The following TRPV1 variants were observed in gnomAD, a reference collection of about 807,000 sequenced individuals.
The protein encoded by TRPV1 is OTRPC1.
Under a neutral mutation model 82.3 loss-of-function variants are expected in TRPV1, and 82 were observed. The ratio of observed to expected loss-of-function variants is 1.00; its 90% CI spans 0.83 to 1.20. TRPV1 has a LOEUF of 1.20. TRPV1 is among the 50% of genes most tolerant of loss of function. The probability of loss-of-function intolerance (pLI) is 0.00; values close to 1 mark genes in which losing one functional copy is unlikely to be tolerated. For missense variants in TRPV1, 1,067 were observed against 1,096.8 expected (o/e 0.97, Z 0.38); for synonymous variants, 515 against 467.7 (o/e 1.10, Z -1.30).
intron 13 of TRPV1, among the ~76,000 whole-genome samples, chr17:3,575,929 G>T (rs890429916): frequency 6.6e-6 from 1 of 152,124 alleles, no homozygotes; most frequent in Admixed American, 6.6e-5. Context: ...AAGTGCCCTG[G>T]ATTAAAGAAG....
rs1344758975 is a variant in TRPV1, at chr17:3,592,530, T to C, written c.-33-147A>G. The C allele has an allele frequency of 1.0e-5, 8 of 802,118 alleles. No homozygotes were observed. In the African/African-American group the frequency reaches 1.0e-4, roughly 10 times the overall value. 49.7% of individuals were successfully genotyped at this position (802,118 alleles called of 1,614,324 possible). ...TGCCCCCAGCCCCCTAGAACTGAAGTGTTTCCAGGACTGAACCTCTCACCC... is the reference window on the plus strand; with the variant it reads ...TGCCCCCAGCCCCCTAGAACTGAAGCGTTTCCAGGACTGAACCTCTCACCC... On this transcript the variant is annotated intron_variant, in intron 2 of 16. Coordinates refer to ENST00000572705, the MANE Select transcript of TRPV1 (RefSeq NM_080704.4).
At chr17:3,601,063 C>A (rs2075258836) in intron 2 of TRPV1, among the ~76,000 whole-genome samples, 1 of 152,044 alleles carries the variant, frequency 6.6e-6, no homozygotes, top group Non-Finnish European at 1.5e-5. Flanking sequence ...CTGTTCCCTC[C>A]ACATTCACTC....
At chr17:3,608,225 AAAG>A (rs2075311273) in intron 2 of TRPV1, 199 bp downstream of exon 2, 2 of 151,656 alleles carry the variant, frequency 1.3e-5, no homozygotes, top group Admixed American at 1.3e-4. Context: ...AAAAAAAAAA[AAAG>A]GCAAAAAAAA....
chr17:3,580,378 G>C, intron 11 of TRPV1, 79 bp downstream of exon 11: 3 of 1,466,332 alleles, frequency 2.0e-6, no homozygotes, highest in Non-Finnish European at 2.9e-6. Context: ...TGCCAGGCCC[G>C]GCGTGAGTGA....
intron 10 of TRPV1, among the ~76,000 whole-genome samples, chr17:3,582,210 A>AAAAAAAAAAAAAAAAAAAAC (rs2075030035): frequency 1.4e-5 from 2 of 147,022 alleles, no homozygotes; most frequent in Admixed American, 6.9e-5. Flanking sequence ...AAAAAAAAAA[A>AAAAAAAAAAAAAAAAAAAAC]AAAATCACAG....
chr17:3,597,581 G>T (rs1388050869), intron 2 of TRPV1, among the ~76,000 whole-genome samples: 1 of 151,990 alleles, frequency 6.6e-6, no homozygotes, highest in Non-Finnish European at 1.5e-5. Flanking sequence ...GCGTCGAGGG[G>T]GTCTTCTGGG....
chr17:3,599,612 G>T (rs534183275), intron 2 of TRPV1, among the ~76,000 whole-genome samples: 4 of 150,190 alleles, frequency 2.7e-5, no homozygotes, highest in Non-Finnish European at 5.9e-5. Flanking sequence ...GCCTGTAAGA[G>T]AATTTCCTTT....
In TRPV1 at chr17:3,590,369, T is replaced by A. The variant is rs765285059; in HGVS notation, c.628A>T (p.Ile210Phe). The A allele has an allele frequency of 4.0e-5, 65 of 1,613,844 alleles. No homozygotes were observed. The highest frequency in any genetic ancestry group is 5.2e-5 in the Non-Finnish European group (61 of 1,179,894). The change falls in exon 6 of 17, where the codon ATC (isoleucine) becomes TTC (phenylalanine). Residue 210 changes from isoleucine to phenylalanine, a missense_variant. Coordinates refer to ENST00000572705, the MANE Select transcript of TRPV1 (RefSeq NM_080704.4). ...YKGQTALHIA[I>F]ERRNMALVTL... ...ACCAGGGCCATGTTGCGTCTCTCGA[T>A]GGCGATGTGCAGTGCTGTCTGGCCT...
At position 3,588,335 on chromosome 17, in the gene TRPV1, C is replaced by A. The variant is rs1435401446; in HGVS notation, c.1077G>T (p.Gln359His). The change falls in exon 8 of 17, where the codon CAG becomes CAT. Residue 359 changes from glutamine (Q) to histidine (H), a missense_variant. Physicochemically the swap from Gln to His is conservative, Grantham distance 24. Coordinates refer to ENST00000572705, the MANE Select transcript of TRPV1 (RefSeq NM_080704.4). ...TGGACAGGTGCCTGCACTCGGGCTC[C>A]TGGATCTCCCGCTGGAGAATATAGG... The part of the protein sequence containing the change: ...VLAYILQREI[Q>H]EPECRHLSRK... 1 of 1,563,184 alleles carries A rather than the reference C, an allele frequency of 6.4e-7. No homozygotes were observed. The highest frequency in any genetic ancestry group is 8.7e-7 in the Non-Finnish European group (1 of 1,154,026).
Position 3,585,860 on chromosome 17 carries a change from C to T in TRPV1, c.1291G>A (p.Val431Ile), listed in dbSNP as rs375081259. The T allele has an allele frequency of 3.7e-5, 60 of 1,613,890 alleles. No individual in the cohort carries two copies. The highest frequency in any genetic ancestry group is 4.4e-5 in the South Asian group (4 of 91,082). ...RLLQDKWDRFVKRIFYFNFLV... is the reference protein window; with the variant it reads ...RLLQDKWDRFIKRIFYFNFLV... ...AAGTTGAAGTAGAAGATGCGCTTGACGAATCTGTCCCACTTGTCCTGCAGG... is the reference window on the plus strand; with the variant it reads ...AAGTTGAAGTAGAAGATGCGCTTGATGAATCTGTCCCACTTGTCCTGCAGG... Residue 431 changes from valine to isoleucine, a missense_variant, in exon 9 of 17, where the codon GTC (valine) becomes ATC (isoleucine). Physicochemically the swap from Val to Ile is conservative, Grantham distance 29. Transcript: ENST00000572705.
intron 5 of TRPV1, among the ~76,000 whole-genome samples, chr17:3,590,611 G>A (rs2075145003): frequency 6.6e-6 from 1 of 152,200 alleles, no homozygotes; most frequent in African/African-American, 2.4e-5. Context: ...GAAATAACGG[G>A]TTGGAAGCCA....
chr17:3,581,395 G>A (rs2075007979), intron 10 of TRPV1, among the ~76,000 whole-genome samples: 1 of 152,134 alleles, frequency 6.6e-6, no homozygotes, highest in Non-Finnish European at 1.5e-5. Flanking sequence ...CCCTCCCACA[G>A]GCCAATCCTG....
chr17:3,591,354 C>A lies in TRPV1; in HGVS notation c.285-1G>T. On this transcript the variant is annotated splice_acceptor_variant, in intron 3 of 16. Coordinates refer to ENST00000572705, the MANE Select transcript of TRPV1 (RefSeq NM_080704.4). LOFTEE classifies it high-confidence loss of function. ...GGCGACAGAGTCCTGGGACAGCAGC[C>A]TGTGGGCCAGAAAACACGCTCGTCT... 6.4e-7 allele frequency: 1 copy of A among 1,567,752 alleles called. No individual in the cohort carries two copies.
intron 2 of TRPV1, among the ~76,000 whole-genome samples, chr17:3,608,012 C>T (rs1174941844): frequency 1.3e-5 from 2 of 151,810 alleles, no homozygotes; most frequent in Non-Finnish European, 2.9e-5. Context: ...GTCAGGAGTT[C>T]GAGACCAGCC....
chr17:3,573,840 G>A lies in TRPV1; in HGVS notation c.1896C>T (p.Tyr632=), dbSNP rs2074893095. 2 of 1,613,524 alleles carry A rather than the reference G, an allele frequency of 1.2e-6. No homozygotes were observed. Among genetic ancestry groups the A allele is most frequent in the Non-Finnish European group, 1.7e-6 (2 of 1,179,744 alleles). ...RPPDSSYNSL[Y]STCLELFKFT... is the part of the protein sequence containing the mutation. ...ACTTGAACAGCTCCAGGCAGGTGGA[G>A]TACAGGCTGTTGTAGGAGCTATCGG... The change falls in exon 14 of 17, where the codon TAC becomes TAT. Residue 632 remains tyrosine (Y), a synonymous_variant. Coordinates refer to ENST00000572705, the MANE Select transcript of TRPV1 (RefSeq NM_080704.4).
At chr17:3,580,621 G>T (rs2074995073) in intron 10 of TRPV1, 94 bp from the exon 11 acceptor site, 9 of 1,284,922 alleles carry the variant, frequency 7.0e-6, no homozygotes, top group Non-Finnish European at 1.0e-5. Context: ...CCATGATGGG[G>T]TGGTCGAATG....
intron 2 of TRPV1, among the ~76,000 whole-genome samples, chr17:3,596,697 G>C (rs1338566956): frequency 6.6e-6 from 1 of 152,206 alleles, no homozygotes; most frequent in Non-Finnish European, 1.5e-5. Context: ...AAGGAGCCAG[G>C]CTGAGGGCAC....
intron 10 of TRPV1, among the ~76,000 whole-genome samples, chr17:3,582,017 C>A (rs368953854): frequency 2.0e-5 from 3 of 146,794 alleles, no homozygotes; most frequent in Non-Finnish European, 4.5e-5. Context: ...GGTGAAACCC[C>A]GTCTCTACTA....
At chr17:3,593,744 GC>G (rs1394758994) in intron 2 of TRPV1, among the ~76,000 whole-genome samples, 13 of 152,306 alleles carry the variant, frequency 8.5e-5, no homozygotes. Context: ...ATGTGGTCCA[GC>G]AATTGCTATC....
Sources: gnomAD v4.1 joint callset for allele counts (sites outside exome capture counted in the v4.1 genomes callset) on GRCh38, gnomAD v4.1.1 for gene constraint, MANE v1.5 for transcripts, NCBI Gene and HGNC (gene_info 2026-07-23, HGNC 2026-07-21) for gene names.